MYO16: variants seen among roughly 807,000 people sequenced by gnomAD.
MYO16 encodes the protein myosin XVI.
A neutral mutation model predicts 205.3 loss-of-function variants in MYO16; 94 were observed. That is an observed-to-expected ratio of 0.46 (90% confidence interval 0.39 to 0.54). The LOEUF is 0.54. Ranked by LOEUF, MYO16 falls within the 20% of genes least tolerant of loss-of-function variation. The probability of loss-of-function intolerance (pLI) is 0.00; values close to 1 mark genes in which losing one functional copy is unlikely to be tolerated. For missense variants in MYO16, 2,315 were observed against 2,387.5 expected (o/e 0.97, Z 0.63); for synonymous variants, 988 against 954.0 (o/e 1.04, Z -0.66).
chr13:108,642,234 A>T (rs1039495123), intron 1 of MYO16, among the ~76,000 whole-genome samples: 2 of 152,108 alleles, frequency 1.3e-5, no homozygotes, highest in South Asian at 4.1e-4. Context: ...ACTGCAGGAG[A>T]CAGTGCAGGT....
At chr13:108,804,292 C>T (rs1000396128) in intron 6 of MYO16, among the ~76,000 whole-genome samples, 5 of 152,160 alleles carry the variant, frequency 3.3e-5, no homozygotes, top group South Asian at 2.1e-4. Flanking sequence ...TGTAATTTTT[C>T]GTGGGAACTG....
chr13:109,100,280 T>C (rs1888919805), intron 27 of MYO16, among the ~76,000 whole-genome samples: 1 of 152,230 alleles, frequency 6.6e-6, no homozygotes, highest in African/African-American at 2.4e-5. Context: ...CCAGAATATT[T>C]GAAATATTCG....
In MYO16 at chr13:109,105,012, C is replaced by T. The variant is rs1358574163; in HGVS notation, c.3438+4125C>T. Reference sequence around the variant, plus strand: ...CCTCCATAGCGTGGGAACTCCATCACGAGGGCTTTGTGTCTGCAGCTTACT... The same window carrying T: ...CCTCCATAGCGTGGGAACTCCATCATGAGGGCTTTGTGTCTGCAGCTTACT... On this transcript the variant is annotated intron_variant, in intron 28 of 34. Coordinates refer to ENST00000457511, the MANE Select transcript of MYO16 (RefSeq NM_001198950.3). Among the ~76,000 whole-genome samples the T allele has an allele frequency of 3.3e-5, 5 of 152,184 alleles. No homozygotes were observed. In the East Asian group the frequency reaches 5.8e-4, roughly 18 times the overall value.
rs977532553 is a variant in MYO16, at chr13:109,207,383, A to G, written c.*547A>G. The G allele has an allele frequency of 2.0e-5, 3 of 152,194 alleles. No individual in the cohort carries two copies. The highest frequency in any genetic ancestry group is 7.2e-5 in the African/African-American group (3 of 41,430). 9.4% of individuals were successfully genotyped at this position (152,194 alleles called of 1,614,324 possible). A position where few individuals can be genotyped will look rare whatever the true frequency, so the allele number is the denominator to read the frequency against. On this transcript the variant is annotated 3_prime_UTR_variant, in exon 35 of 35. Coordinates refer to ENST00000457511, the MANE Select transcript of MYO16 (RefSeq NM_001198950.3). ...TGGTGGTGCTTCCTTTCTTCAAAAT[A>G]CAGATTTTAAAAAATCATTTCTAGA...
At chr13:109,027,820 C>T (rs1373751588) in intron 23 of MYO16, among the ~76,000 whole-genome samples, 4 of 152,160 alleles carry the variant, frequency 2.6e-5, no homozygotes, top group African/African-American at 7.2e-5. Flanking sequence ...AGGAATACAA[C>T]AGTACTTCGT....
At chr13:108,873,026 C>T (rs1008379424) in intron 12 of MYO16, among the ~76,000 whole-genome samples, 30 of 152,272 alleles carry the variant, frequency 2.0e-4, no homozygotes, top group African/African-American at 6.5e-4. Flanking sequence ...TTCCCTGTAG[C>T]AATATTAGTG....
intron 2 of MYO16, among the ~76,000 whole-genome samples, chr13:108,708,096 G>C (rs150105699): frequency 6.6e-6 from 1 of 152,090 alleles, no homozygotes; most frequent in Non-Finnish European, 1.5e-5. Context: ...TGAGAAGCCC[G>C]GAACTAGCAA....
At chr13:108,519,630 C>T in the MYO16 span, among the ~76,000 whole-genome samples, 1 of 147,964 alleles carries the variant, frequency 6.8e-6, no homozygotes, top group African/African-American at 2.5e-5. Context: ...GCAAAATACA[C>T]ACACACACAC....
chr13:109,049,100 G>A (rs976884643), intron 24 of MYO16: 1 of 51,038 alleles, frequency 2.0e-5, no homozygotes, highest in African/African-American at 7.4e-5. Context: ...TTTTTTTTTT[G>A]CTGTGTGTCT....
intron 21 of MYO16, among the ~76,000 whole-genome samples, chr13:108,993,711 A>G (rs1884913402): frequency 6.6e-6 from 1 of 152,180 alleles, no homozygotes; most frequent in Non-Finnish European, 1.5e-5. Flanking sequence ...TACTGTGAGA[A>G]AAGTAATGAT....
rs559748196 is a variant in MYO16 at position 108,710,430 on chromosome 13, T to G, written c.293-2231T>G. 3.3e-5 allele frequency among the ~76,000 whole-genome samples: 5 copies of G among 152,316 alleles called. No homozygotes were observed. The East Asian group carries it at 9.7e-4, about 29-fold the overall frequency. On this transcript the variant is annotated intron_variant, in intron 2 of 34. Coordinates refer to ENST00000457511, the MANE Select transcript of MYO16 (RefSeq NM_001198950.3). ...TATGTTCTGCACTTAAATTCAACAT[T>G]TAGTAACCAGAAAGTTTGGAAAACA...
At chr13:108,955,318 G>GT (rs111303618) in intron 16 of MYO16, among the ~76,000 whole-genome samples, 6,286 of 152,138 alleles carry the variant, frequency 0.041, 132 homozygotes, top group Non-Finnish European at 0.048. Flanking sequence ...CTTTTATGTG[G>GT]TTTTTTGGTG....
Position 108,796,419 on chromosome 13 carries a change from G to A in MYO16, c.741+2779G>A, listed in dbSNP as rs954858712. ...TGACCCAGTCATCCCATTACTGGGT[G>A]TATACCCAAAGGATTATAAATCATG... On this transcript the variant is annotated intron_variant, in intron 6 of 34. Coordinates refer to ENST00000457511, the MANE Select transcript of MYO16 (RefSeq NM_001198950.3). Among the ~76,000 whole-genome samples the A allele has an allele frequency of 3.6e-4, 55 of 152,162 alleles. 3 individuals carry two copies. Among genetic ancestry groups the A allele is most frequent in the Non-Finnish European group, 2.9e-5 (2 of 68,026 alleles).
chr13:108,613,017 G>A (rs1376932435), intron 1 of MYO16, among the ~76,000 whole-genome samples: 1 of 152,112 alleles, frequency 6.6e-6, no homozygotes, highest in Non-Finnish European at 1.5e-5. Context: ...GAGTGGAGCT[G>A]AGATGAGAGA....
intron 2 of MYO16, among the ~76,000 whole-genome samples, chr13:108,670,771 G>C (rs1448092101): frequency 6.6e-6 from 1 of 152,096 alleles, no homozygotes; most frequent in Admixed American, 6.6e-5. Flanking sequence ...ATAGTTTTTA[G>C]AATACATCTG....
chr13:108,959,061 C>T (rs1883486054), intron 17 of MYO16, among the ~76,000 whole-genome samples: 1 of 152,108 alleles, frequency 6.6e-6, no homozygotes, highest in South Asian at 2.1e-4. Context: ...GTGGAGAGGT[C>T]CACAGGAGGA....
intron 32 of MYO16, among the ~76,000 whole-genome samples, chr13:109,161,705 TA>T (rs34741954): frequency 0.017 from 2,640 of 152,168 alleles, 35 homozygotes; most frequent in South Asian, 0.034. Context: ...TTTTAAGATT[TA>T]AAAAATTAAA....
chr13:109,014,057 A>G (rs1885715416), intron 22 of MYO16, among the ~76,000 whole-genome samples: 1 of 152,166 alleles, frequency 6.6e-6, no homozygotes, highest in Admixed American at 6.5e-5. Flanking sequence ...TATGTCCTGA[A>G]TGGTATTGCC....
intron 23 of MYO16, among the ~76,000 whole-genome samples, chr13:109,022,684 A>T (rs1431229694): frequency 1.9e-5 from 1 of 53,466 alleles, no homozygotes; most frequent in Non-Finnish European, 4.1e-5. Context: ...ATACACATAT[A>T]AACATGTATA....
Sources: gnomAD v4.1 joint callset for allele counts (sites outside exome capture counted in the v4.1 genomes callset) on GRCh38, gnomAD v4.1.1 for gene constraint, MANE v1.5 for transcripts, NCBI Gene and HGNC (gene_info 2026-07-23, HGNC 2026-07-21) for gene names.